SMOC1: variants seen among roughly 807,000 people sequenced by gnomAD.
The protein encoded by SMOC1 is SPARC related modular calcium binding 1, also known as SPARC-related modular calcium-binding protein 1.
A neutral mutation model predicts 56.3 loss-of-function variants in SMOC1; 22 were observed. The ratio of observed to expected loss-of-function variants is 0.39; its 90% CI spans 0.28 to 0.56. SMOC1 has a LOEUF of 0.56. Among genes scored for constraint, SMOC1 ranks in the 20% least tolerant of loss-of-function variants. SMOC1 has a pLI of 0.61. For missense variants in SMOC1, 509 were observed against 565.4 expected, an observed-to-expected ratio of 0.90 and a Z score of 1.01; for synonymous variants, 193 against 215.0, an observed-to-expected ratio of 0.90 and a Z score of 0.89.
At chr14:69,911,104 G>A (rs530042874) in intron 1 of SMOC1, among the ~76,000 whole-genome samples, 53 of 152,162 alleles carry the variant, frequency 3.5e-4, no homozygotes, top group Non-Finnish European at 6.5e-4. Flanking sequence ...CCTGTATGGC[G>A]CAGCATACAA....
At chr14:69,971,652 T>C (rs1883767546) in intron 3 of SMOC1, among the ~76,000 whole-genome samples, 1 of 152,214 alleles carries the variant, frequency 6.6e-6, no homozygotes, top group South Asian at 2.1e-4. Flanking sequence ...GTATTACTTA[T>C]TAATTTAAAA....
chr14:69,916,805 C>T (rs1343496438), intron 1 of SMOC1, among the ~76,000 whole-genome samples: 2 of 152,178 alleles, frequency 1.3e-5, no homozygotes, highest in African/African-American at 4.8e-5. Flanking sequence ...CTTTGTCTTG[C>T]CTTATTTTTC....
intron 1 of SMOC1, among the ~76,000 whole-genome samples, chr14:69,910,650 A>G (rs1884533808): frequency 6.6e-6 from 1 of 151,216 alleles, no homozygotes; most frequent in Non-Finnish European, 1.5e-5. Flanking sequence ...AGCCTTGGAT[A>G]CTCAATTTTT....
intron 1 of SMOC1, among the ~76,000 whole-genome samples, chr14:69,890,371 A>G (rs1325555835): frequency 6.6e-6 from 1 of 152,248 alleles, no homozygotes; most frequent in African/African-American, 2.4e-5. Flanking sequence ...CATTTAGGCA[A>G]AAAAGAAAGA....
At chr14:69,887,012 C>A (rs1474822640) in intron 1 of SMOC1, among the ~76,000 whole-genome samples, 1 of 152,112 alleles carries the variant, frequency 6.6e-6, no homozygotes, top group Admixed American at 6.5e-5. Context: ...GCTCTATGTG[C>A]CCAGGAGAAA....
chr14:69,954,203 G>A (rs1370163261), intron 3 of SMOC1, among the ~76,000 whole-genome samples: 1 of 151,916 alleles, frequency 6.6e-6, no homozygotes, highest in East Asian at 1.9e-4. Flanking sequence ...TCAATCTGTT[G>A]CAGACTGGGT....
In SMOC1 at chr14:70,027,821, G is replaced by A. The variant is rs74061027; in HGVS notation, c.1292-2421G>A. 8.0e-3 allele frequency among the ~76,000 whole-genome samples: 1,218 copies of A among 152,334 alleles called. 17 individuals carry two copies. Among genetic ancestry groups the A allele is most frequent in the African/African-American group, 0.028 (1,156 of 41,566 alleles). On this transcript the variant is annotated intron_variant, in intron 11 of 11. Transcript: ENST00000361956. ...CCTGGTACATAGCGAAGGCACAAAA[G>A]AAATTGGTAGCGGTAGAGGAACATG...
At chr14:69,994,275 G>A in intron 6 of SMOC1, 125 bp from the exon 7 acceptor site, 1 of 807,816 alleles carries the variant, frequency 1.2e-6, no homozygotes. Flanking sequence ...GAGTGGATGT[G>A]GGAGAGAGCT....
At chr14:69,947,889 G>T (rs978275265) in intron 1 of SMOC1, among the ~76,000 whole-genome samples, 15 of 152,196 alleles carry the variant, frequency 9.9e-5, no homozygotes, top group Non-Finnish European at 1.5e-4. Flanking sequence ...TTTGAACTGT[G>T]TGGCTTCGGA....
At chr14:69,916,839 C>G (rs563474494) in intron 1 of SMOC1, among the ~76,000 whole-genome samples, 21 of 152,328 alleles carry the variant, frequency 1.4e-4, no homozygotes, top group Admixed American at 1.2e-3. Context: ...CCACCACCTG[C>G]TAGATTATCA....
rs150478940 is a variant in SMOC1, at chr14:69,989,794, T to G, written c.527-2623T>G. 3.6e-4 allele frequency among the ~76,000 whole-genome samples: 55 copies of G among 152,306 alleles called. No individual in the cohort carries two copies. In the East Asian group the frequency reaches 8.7e-3, roughly 24 times the overall value. On this transcript the variant is annotated intron_variant, in intron 5 of 11. Coordinates refer to ENST00000361956, the MANE Select transcript of SMOC1 (RefSeq NM_001034852.3). ...AGGGCTTGCCTGGAAGCAGAACTGATGTAGACCTTGGACCTAGGCCTTGGA... is the reference window on the plus strand; with the variant it reads ...AGGGCTTGCCTGGAAGCAGAACTGAGGTAGACCTTGGACCTAGGCCTTGGA...
chr14:69,908,890 G>T (rs1360161688), intron 1 of SMOC1, among the ~76,000 whole-genome samples: 1 of 151,862 alleles, frequency 6.6e-6, no homozygotes, highest in Non-Finnish European at 1.5e-5. Flanking sequence ...GGGTGTGGGG[G>T]TGTGTGTGTG....
chr14:69,971,743 A>G (rs1403135966), intron 3 of SMOC1, among the ~76,000 whole-genome samples: 1 of 152,212 alleles, frequency 6.6e-6, no homozygotes, highest in African/African-American at 2.4e-5. Context: ...AATTCAAAGA[A>G]TTTACACCCT....
intron 5 of SMOC1, among the ~76,000 whole-genome samples, chr14:69,982,624 G>A (rs1054900538): frequency 1.3e-5 from 2 of 152,252 alleles, no homozygotes; most frequent in South Asian, 4.1e-4. Context: ...TGGCAGAGCC[G>A]TGTTGGGCTG....
intron 3 of SMOC1, among the ~76,000 whole-genome samples, chr14:69,956,212 T>C (rs1246239519): frequency 2.0e-5 from 3 of 152,230 alleles, no homozygotes; most frequent in Admixed American, 2.0e-4. Context: ...AGCACTGCCA[T>C]GTGTCTGTAG....
intron 1 of SMOC1, among the ~76,000 whole-genome samples, chr14:69,893,136 T>C (rs191796186): frequency 7.5e-4 from 114 of 152,370 alleles, no homozygotes; most frequent in Non-Finnish European, 9.1e-4. Context: ...AAAATGATAG[T>C]TAAATCAATA....
intron 1 of SMOC1, among the ~76,000 whole-genome samples, chr14:69,941,695 C>T (rs146169030): frequency 6.6e-6 from 1 of 152,316 alleles, no homozygotes; most frequent in African/African-American, 2.4e-5. Flanking sequence ...CCTCTATGAT[C>T]TCTCCCCAAC....
At chr14:69,899,274 CAATTGT>C (rs1361674720) in intron 1 of SMOC1, among the ~76,000 whole-genome samples, 1 of 152,154 alleles carries the variant, frequency 6.6e-6, no homozygotes, top group Admixed American at 6.5e-5. Flanking sequence ...GTTTCATGTT[CAATTGT>C]AATCCCCAGT....
At chr14:69,996,959 G>A (rs1884787100) in intron 7 of SMOC1, among the ~76,000 whole-genome samples, 2 of 152,244 alleles carry the variant, frequency 1.3e-5, no homozygotes. Context: ...CACAGCCACA[G>A]CCATATATTT....
Sources: gnomAD v4.1 joint callset for allele counts (sites outside exome capture counted in the v4.1 genomes callset) on GRCh38, gnomAD v4.1.1 for gene constraint, MANE v1.5 for transcripts, NCBI Gene and HGNC (gene_info 2026-07-23, HGNC 2026-07-21) for gene names.